The following THSD7A variants were observed in gnomAD, a reference collection of about 807,000 sequenced individuals.
THSD7A encodes thrombospondin type 1 domain containing 7A, also known as thrombospondin type-1 domain-containing protein 7A.
THSD7A carries 96 observed loss-of-function variants against 231.3 expected under a neutral mutation model. That is an observed-to-expected ratio of 0.41 (90% CI 0.35 to 0.49). The LOEUF is 0.49. THSD7A is among the 20% of genes least tolerant of loss of function. The pLI is 0.05. For synonymous variants in THSD7A, 940 were observed against 743.3 expected (o/e 1.26, Z -4.30); for missense variants, 2,290 against 2,070.2 (o/e 1.11, Z -2.06).
intron 4 of THSD7A, among the ~76,000 whole-genome samples, chr7:11,560,223 A>AAT (rs1790020975): frequency 6.6e-6 from 1 of 152,168 alleles, no homozygotes; most frequent in African/African-American, 2.4e-5. Flanking sequence ...AAAATGCAGT[A>AAT]TCATAAGGTT....
intron 6 of THSD7A, 31 bp from the exon 7 acceptor site, chr7:11,482,013 A>G: frequency 1.9e-6 from 3 of 1,544,262 alleles, no homozygotes; most frequent in Non-Finnish European, 2.6e-6. Flanking sequence ...AACAGCTATT[A>G]TTGTTAAATT....
At chr7:11,403,879 T>C (rs1562582651) in intron 22 of THSD7A, among the ~76,000 whole-genome samples, 1 of 152,184 alleles carries the variant, frequency 6.6e-6, no homozygotes, top group Admixed American at 6.5e-5. Context: ...GCCAAAGATA[T>C]GACAATTAAA....
chr7:11,529,278 T>C (rs1788604964), intron 6 of THSD7A, among the ~76,000 whole-genome samples: 1 of 152,196 alleles, frequency 6.6e-6, no homozygotes, highest in Non-Finnish European at 1.5e-5. Context: ...ATATTTATTT[T>C]CTGTTAGTGA....
At chr7:11,738,313 C>T (rs562163380) in intron 1 of THSD7A, among the ~76,000 whole-genome samples, 6 of 152,058 alleles carry the variant, frequency 3.9e-5, no homozygotes, top group South Asian at 4.2e-4. Flanking sequence ...TTTCTTCAAG[C>T]GTTTCAGATT....
intron 1 of THSD7A, chr7:11,751,264 T>C (rs1782491980): frequency 6.6e-6 from 1 of 151,728 alleles, no homozygotes; most frequent in African/African-American, 2.4e-5. Flanking sequence ...TTCTTAAGGG[T>C]GGAGGAAAAG....
chr7:11,603,947 G>T (rs1210482652), intron 2 of THSD7A, among the ~76,000 whole-genome samples: 2 of 151,338 alleles, frequency 1.3e-5, no homozygotes, highest in African/African-American at 4.9e-5. Flanking sequence ...GTTAGTGGGT[G>T]CAGTGCACCA....
At chr7:11,498,641 T>C (rs180714249) in intron 6 of THSD7A, among the ~76,000 whole-genome samples, 77 of 152,284 alleles carry the variant, frequency 5.1e-4, no homozygotes, top group African/African-American at 1.8e-3. Context: ...CAGACTGCTT[T>C]TTAAAGCAGG....
Position 11,543,392 on chromosome 7 carries a change from T to A in THSD7A, c.1454-275A>T, listed in dbSNP as rs1470559939. 2.0e-5 allele frequency among the ~76,000 whole-genome samples: 3 copies of A among 152,260 alleles called. No homozygotes were observed. The East Asian group carries it at 5.8e-4, about 29-fold the overall frequency. On this transcript the variant is annotated intron_variant, in intron 4 of 27. Coordinates refer to ENST00000423059, the MANE Select transcript of THSD7A (RefSeq NM_015204.3). Reference sequence around the variant, plus strand: ...TGGTCATGCAATTAATAATGCTGAATATAACTTTCCTAGTCTGCAAAATAT... The same window carrying A: ...TGGTCATGCAATTAATAATGCTGAAAATAACTTTCCTAGTCTGCAAAATAT...
In THSD7A at chr7:11,531,460, T is replaced by C. The variant is rs559940540; in HGVS notation, c.1822+9959A>G. Among the ~76,000 whole-genome samples the C allele has an allele frequency of 2.6e-5, 4 of 152,312 alleles. No homozygotes were observed. In the South Asian group the frequency reaches 6.2e-4, roughly 24 times the overall value. On this transcript the variant is annotated intron_variant, in intron 6 of 27. Transcript: ENST00000423059. The stretch of plus-strand genomic sequence containing the variant: ...CTGCAGCCTCTTTAAATTCATCACC[T>C]AATAACCTCTCCCTAACTCATTCTA...
At chr7:11,594,464 C>G (rs185314807) in intron 2 of THSD7A, among the ~76,000 whole-genome samples, 1 of 152,198 alleles carries the variant, frequency 6.6e-6, no homozygotes, top group African/African-American at 2.4e-5. Context: ...GACTCTACTT[C>G]TAATAGTATG....
chr7:11,771,236 G>C lies in THSD7A; in HGVS notation c.190+60521C>G, dbSNP rs191919308. Among the ~76,000 whole-genome samples, 721 of 151,006 alleles carry C rather than the reference G, an allele frequency of 4.8e-3. 23 individuals carry two copies. Among genetic ancestry groups the C allele is most frequent in the East Asian group, 7.9e-3 (40 of 5,080 alleles). On this transcript the variant is annotated intron_variant, in intron 1 of 27. Transcript: ENST00000423059. ...AATTTACATTGGAATTTTTTAACTT[G>C]GTAAATATTGAATACTAACTATCAT...
intron 1 of THSD7A, among the ~76,000 whole-genome samples, chr7:11,810,746 T>C (rs1216716770): frequency 6.6e-6 from 1 of 152,198 alleles, no homozygotes; most frequent in East Asian, 1.9e-4. Context: ...AAATTATTGA[T>C]GATATTAGCT....
intron 1 of THSD7A, among the ~76,000 whole-genome samples, chr7:11,780,040 G>A (rs567826325): frequency 1.5e-4 from 23 of 152,292 alleles, no homozygotes; most frequent in Non-Finnish European, 3.1e-4. Context: ...CTGGGTCTGG[G>A]GAAGTTCAAG....
intron 6 of THSD7A, among the ~76,000 whole-genome samples, chr7:11,514,830 G>C (rs769271892): frequency 6.6e-6 from 1 of 151,952 alleles, no homozygotes; most frequent in Non-Finnish European, 1.5e-5. Flanking sequence ...CTATTCTTTG[G>C]AAGAACATAG....
Position 11,568,634 on chromosome 7 carries a change from AAAAAAAAAAAAAAAAAAAAACC to A in THSD7A, c.1453+21804_1453+21825del, listed in dbSNP as rs1490003137. 1.0e-4 allele frequency among the ~76,000 whole-genome samples: 14 copies of A among 134,442 alleles called. No individual in the cohort carries two copies. In the South Asian group the frequency reaches 2.8e-3, roughly 27 times the overall value. The allele number at this position is 134,442 out of a possible 152,430, so 88.2% of individuals were successfully genotyped here. A position where few individuals can be genotyped will look rare whatever the true frequency, so the allele number is the denominator to read the frequency against. The stretch of plus-strand genomic sequence containing the variant: ...AGTGAAACTCCGTCTCAAAAAAAAA[AAAAAAAAAAAAAAAAAAAAACC>A]AAAATCTGGAACAAGGTAAAGATGA... On this transcript the variant is annotated intron_variant, in intron 4 of 27. Coordinates refer to ENST00000423059, the MANE Select transcript of THSD7A (RefSeq NM_015204.3).
At chr7:11,400,650 A>C (rs996239013) in intron 23 of THSD7A, among the ~76,000 whole-genome samples, 4 of 152,120 alleles carry the variant, frequency 2.6e-5, no homozygotes, top group African/African-American at 9.7e-5. Context: ...GGAGTGTTTT[A>C]CCTAGTTGAT....
At chr7:11,593,642 C>A in intron 2 of THSD7A, 140 bp from the exon 3 acceptor site, 3 of 1,016,138 alleles carry the variant, frequency 3.0e-6, no homozygotes, top group Non-Finnish European at 4.3e-6. Flanking sequence ...AATACATCAA[C>A]ATTTATGATG....
intron 1 of THSD7A, among the ~76,000 whole-genome samples, chr7:11,743,118 G>A (rs1782167082): frequency 6.6e-6 from 1 of 151,796 alleles, no homozygotes; most frequent in Non-Finnish European, 1.5e-5. Flanking sequence ...TATAGTCAGT[G>A]ACATTTGTTT....
At chr7:11,473,387 A>T (rs999108473) in intron 8 of THSD7A, among the ~76,000 whole-genome samples, 2 of 152,078 alleles carry the variant, frequency 1.3e-5, no homozygotes, top group African/African-American at 4.8e-5. Context: ...GACTGCAAAA[A>T]CTGTTGGCCA....
Sources: allele counts gnomAD v4.1 joint callset (sites outside exome capture counted in the v4.1 genomes callset), GRCh38; gene constraint gnomAD v4.1.1; transcripts MANE v1.5; gene names NCBI Gene and HGNC (gene_info 2026-07-23, HGNC 2026-07-21).